Variants in NFYC observed in about 807,000 individuals in gnomAD.
The protein encoded by NFYC is nuclear transcription factor Y subunit gamma.
NFYC carries 25 observed loss-of-function variants against 53.1 expected under a neutral mutation model. That is an observed-to-expected ratio of 0.47 (90% CI 0.34 to 0.66). The LOEUF (loss-of-function observed/expected upper bound fraction) is 0.66. NFYC is among the 30% of genes least tolerant of loss of function. The probability of loss-of-function intolerance (pLI) is 0.01; values close to 1 mark genes in which losing one functional copy is unlikely to be tolerated. For synonymous variants in NFYC, 145 were observed against 152.6 expected (o/e 0.95, Z 0.37); for missense variants, 260 against 422.7 (o/e 0.62, Z 3.38).
chr1:40,765,309 T>A (rs995801379), intron 7 of NFYC, among the ~76,000 whole-genome samples: 1 of 152,222 alleles, frequency 6.6e-6, no homozygotes, highest in East Asian at 1.9e-4. Flanking sequence ...TGGGTTTAGA[T>A]TGGGTGTCCC....
chr1:40,761,687 C>G (rs1487073985), intron 6 of NFYC, among the ~76,000 whole-genome samples: 1 of 152,168 alleles, frequency 6.6e-6, no homozygotes, highest in African/African-American at 2.4e-5. Context: ...CTGTCGTTCC[C>G]AGAACACATC....
intron 1 of NFYC, among the ~76,000 whole-genome samples, chr1:40,705,935 G>A (rs1465082856): frequency 6.6e-6 from 1 of 151,998 alleles, no homozygotes; most frequent in Non-Finnish European, 1.5e-5. Context: ...TTATAGAGAT[G>A]GGGTCTCACT....
intron 1 of NFYC, among the ~76,000 whole-genome samples, chr1:40,714,366 C>T (rs1304443507): frequency 1.3e-5 from 2 of 152,096 alleles, no homozygotes; most frequent in Non-Finnish European, 2.9e-5. Flanking sequence ...TGTGTATGTG[C>T]TTGTGTATGT....
intron 7 of NFYC, among the ~76,000 whole-genome samples, chr1:40,764,865 G>A (rs1570737111): frequency 6.6e-6 from 1 of 152,190 alleles, no homozygotes; most frequent in Non-Finnish European, 1.5e-5. Flanking sequence ...AGGCCAAAAA[G>A]GAAAGCTTCT....
chr1:40,735,729 C>A lies in NFYC; in HGVS notation c.-8-3107C>A, dbSNP rs145140223. On this transcript the variant is annotated intron_variant, in intron 1 of 9. Coordinates refer to ENST00000447388, the MANE Select transcript of NFYC (RefSeq NM_014223.5). Reference sequence around the variant, plus strand: ...CAGATTGTGCCAAGATGAGGCCTGTCCAGGGACCCATGCAATAAAAGGTTA... The same window carrying A: ...CAGATTGTGCCAAGATGAGGCCTGTACAGGGACCCATGCAATAAAAGGTTA... The A allele has an allele frequency of 1.3e-4, 124 of 985,334 alleles. 2 individuals carry two copies. In the Middle Eastern group the frequency reaches 2.1e-3, roughly 17 times the overall value. 61.0% of individuals were successfully genotyped at this position (985,334 alleles called of 1,614,324 possible).
chr1:40,767,194 G>T, intron 8 of NFYC: 1 of 538,056 alleles, frequency 1.9e-6, no homozygotes. Flanking sequence ...ATGAGTCACA[G>T]ATGGTGAGGG....
chr1:40,767,413 G>A (rs1646873260), intron 8 of NFYC, among the ~76,000 whole-genome samples: 1 of 152,160 alleles, frequency 6.6e-6, no homozygotes, highest in Non-Finnish European at 1.5e-5. Flanking sequence ...AGTTTGTAGA[G>A]CAGGTCTCCA....
intron 1 of NFYC, chr1:40,730,642 A>G (rs942237990): frequency 1.5e-5 from 15 of 978,442 alleles, no homozygotes; most frequent in Admixed American, 6.1e-5. Flanking sequence ...ACTTGTTGAC[A>G]TGTTAAGTTG....
intron 1 of NFYC, among the ~76,000 whole-genome samples, chr1:40,693,028 T>C (rs575394936): frequency 5.7e-4 from 87 of 152,314 alleles, no homozygotes; most frequent in Non-Finnish European, 1.0e-3. Context: ...TGAGTAAATA[T>C]TGTTAGGTTC....
At chr1:40,715,034 G>A (rs1288179594) in intron 1 of NFYC, among the ~76,000 whole-genome samples, 6 of 151,622 alleles carry the variant, frequency 4.0e-5, no homozygotes, top group Non-Finnish European at 5.9e-5. Flanking sequence ...GAGCCGACAT[G>A]GCGCCACTGC....
At chr1:40,746,923 T>C (rs1645634811) in intron 2 of NFYC, among the ~76,000 whole-genome samples, 1 of 152,172 alleles carries the variant, frequency 6.6e-6, no homozygotes, top group African/African-American at 2.4e-5. Context: ...TTTTCTATAC[T>C]CCTCTACCCC....
chr1:40,759,559 A>C (rs904804486), intron 6 of NFYC, among the ~76,000 whole-genome samples: 1 of 149,216 alleles, frequency 6.7e-6, no homozygotes, highest in Non-Finnish European at 1.5e-5. Context: ...AAAAAAGTAT[A>C]TGTGTGTGTG....
intron 2 of NFYC, among the ~76,000 whole-genome samples, chr1:40,739,846 G>C (rs1201602396): frequency 6.6e-6 from 1 of 152,200 alleles, no homozygotes; most frequent in African/African-American, 2.4e-5. Context: ...ATATGAGTAA[G>C]CATTCACCAG....
At chr1:40,751,167 G>T (rs1184575987) in intron 4 of NFYC, among the ~76,000 whole-genome samples, 4 of 152,126 alleles carry the variant, frequency 2.6e-5, no homozygotes, top group Non-Finnish European at 4.4e-5. Flanking sequence ...AAATTCTGAG[G>T]TATTGATGAA....
intron 1 of NFYC, among the ~76,000 whole-genome samples, chr1:40,714,186 C>T (rs1003927337): frequency 6.6e-6 from 1 of 152,158 alleles, no homozygotes; most frequent in Non-Finnish European, 1.5e-5. Flanking sequence ...AAAGTTTGGA[C>T]CTGGCTCTTA....
At chr1:40,737,770 A>G (rs1373312601) in intron 1 of NFYC, among the ~76,000 whole-genome samples, 4 of 152,214 alleles carry the variant, frequency 2.6e-5, no homozygotes, top group African/African-American at 9.6e-5. Context: ...CATGTTACCT[A>G]CACAGTTAAT....
chr1:40,735,899 C>A, intron 1 of NFYC: 2 of 344,368 alleles, frequency 5.8e-6, no homozygotes, highest in Non-Finnish European at 8.2e-6. Flanking sequence ...AATAACTAAA[C>A]TTCTCTAGAT....
chr1:40,699,051 C>A (rs1445649220), intron 1 of NFYC, among the ~76,000 whole-genome samples: 1 of 152,012 alleles, frequency 6.6e-6, no homozygotes, highest in African/African-American at 2.4e-5. Context: ...GTAACCCCAG[C>A]TACTCGGGAG....
intron 6 of NFYC, among the ~76,000 whole-genome samples, chr1:40,759,909 A>T (rs1163040184): frequency 6.6e-6 from 1 of 152,068 alleles, no homozygotes; most frequent in Non-Finnish European, 1.5e-5. Flanking sequence ...TCTAATAAGG[A>T]GCTGAGTTTG....
Sources: allele counts gnomAD v4.1 joint callset (sites outside exome capture counted in the v4.1 genomes callset), GRCh38; gene constraint gnomAD v4.1.1; transcripts MANE v1.5; gene names NCBI Gene and HGNC (gene_info 2026-07-23, HGNC 2026-07-21).